The following ST6GALNAC3 variants were observed in gnomAD, a reference collection of about 807,000 sequenced individuals.
ST6GALNAC3 encodes alpha-N-acetylgalactosaminide alpha-2,6-sialyltransferase 3.
In ST6GALNAC3, 25 loss-of-function variants were observed where a neutral mutation model predicts 32.7. That is an observed-to-expected ratio of 0.76 (90% CI 0.56 to 1.07). The LOEUF is 1.07. Among genes scored for constraint, ST6GALNAC3 ranks in the 50% least tolerant of loss-of-function variants. ST6GALNAC3 has a pLI of 0.00. For synonymous variants in ST6GALNAC3, 129 were observed against 133.1 expected, an observed-to-expected ratio of 0.97 and a Z score of 0.21; for missense variants, 355 against 382.4, an observed-to-expected ratio of 0.93 and a Z score of 0.60.
At chr1:76,275,609 A>T (rs1301811212) in intron 1 of ST6GALNAC3, among the ~76,000 whole-genome samples, 2 of 151,784 alleles carry the variant, frequency 1.3e-5, no homozygotes, top group African/African-American at 4.8e-5. Context: ...ACTGGTGGGG[A>T]TGGGGTGTAA....
In ST6GALNAC3 at chr1:76,405,480, A is replaced by G. The variant is rs1173205442; in HGVS notation, c.214-6528A>G. 2.6e-5 allele frequency among the ~76,000 whole-genome samples: 4 copies of G among 152,214 alleles called. No individual in the cohort carries two copies. The South Asian group carries it at 8.3e-4, about 32-fold the overall frequency. On this transcript the variant is annotated intron_variant, in intron 2 of 4. Coordinates refer to ENST00000328299, the MANE Select transcript of ST6GALNAC3 (RefSeq NM_152996.4). Reference sequence around the variant, plus strand: ...CTCAGAAAGGATAGGGCAATTTGTCAGGTTCATACCCAAAGAAGAGAAAGG... The same window carrying G: ...CTCAGAAAGGATAGGGCAATTTGTCGGGTTCATACCCAAAGAAGAGAAAGG...
intron 1 of ST6GALNAC3, among the ~76,000 whole-genome samples, chr1:76,198,561 A>C (rs561559885): frequency 4.3e-4 from 65 of 152,318 alleles, no homozygotes; most frequent in South Asian, 6.2e-4. Flanking sequence ...TTAAGATATA[A>C]TTAGGAGATA....
chr1:76,230,201 A>C (rs967229085), intron 1 of ST6GALNAC3, among the ~76,000 whole-genome samples: 4 of 152,310 alleles, frequency 2.6e-5, no homozygotes, highest in Middle Eastern at 3.4e-3. Flanking sequence ...CTTCTTCCCA[A>C]ACCTTAAGGA....
chr1:76,617,108 G>T (rs1648346020), intron 3 of ST6GALNAC3, among the ~76,000 whole-genome samples: 1 of 152,090 alleles, frequency 6.6e-6, no homozygotes, highest in South Asian at 2.1e-4. Context: ...AAAATTTTCA[G>T]TTGCTTAAAA....
intron 3 of ST6GALNAC3, among the ~76,000 whole-genome samples, chr1:76,541,878 C>G (rs1043802417): frequency 1.3e-4 from 20 of 152,170 alleles, no homozygotes; most frequent in African/African-American, 4.6e-4. Context: ...TGCATTCCCA[C>G]TCAATTACCT....
chr1:76,514,530 A>C (rs11162173), intron 3 of ST6GALNAC3, among the ~76,000 whole-genome samples: 2 of 151,742 alleles, frequency 1.3e-5, no homozygotes, highest in African/African-American at 4.8e-5. Flanking sequence ...TCACTCTCTC[A>C]GGAGTGGACT....
chr1:76,099,708 C>A (rs945090191), intron 1 of ST6GALNAC3, among the ~76,000 whole-genome samples: 4 of 152,110 alleles, frequency 2.6e-5, no homozygotes, highest in African/African-American at 4.8e-5. Context: ...TTTACAGGGG[C>A]ATGTGGGTAT....
intron 1 of ST6GALNAC3, among the ~76,000 whole-genome samples, chr1:76,284,622 G>C (rs1392219013): frequency 8.2e-6 from 1 of 122,478 alleles, no homozygotes; most frequent in Non-Finnish European, 1.8e-5. Context: ...CAAAATGCTT[G>C]AGGATTTTTT....
At chr1:76,619,689 G>T (rs1163021225) in intron 3 of ST6GALNAC3, among the ~76,000 whole-genome samples, 1 of 152,014 alleles carries the variant, frequency 6.6e-6, no homozygotes, top group Non-Finnish European at 1.5e-5. Context: ...AAATAAATTG[G>T]TGCTATTTAT....
chr1:76,409,828 C>A (rs1654094353), intron 2 of ST6GALNAC3, among the ~76,000 whole-genome samples: 1 of 152,068 alleles, frequency 6.6e-6, no homozygotes, highest in African/African-American at 2.4e-5. Context: ...TTTTTTAAAT[C>A]ATTTTGTCCA....
intron 3 of ST6GALNAC3, among the ~76,000 whole-genome samples, chr1:76,539,962 T>C (rs1046743136): frequency 1.3e-5 from 2 of 152,160 alleles, no homozygotes; most frequent in African/African-American, 4.8e-5. Flanking sequence ...TCCTCAAGGA[T>C]CTAGAACCAG....
intron 1 of ST6GALNAC3, among the ~76,000 whole-genome samples, chr1:76,222,928 G>A (rs1655860521): frequency 6.6e-6 from 1 of 152,082 alleles, no homozygotes; most frequent in African/African-American, 2.4e-5. Context: ...GTGGAGAAAA[G>A]GGAACACTTA....
At chr1:76,601,167 C>T (rs1647221633) in intron 3 of ST6GALNAC3, among the ~76,000 whole-genome samples, 1 of 152,044 alleles carries the variant, frequency 6.6e-6, no homozygotes, top group African/African-American at 2.4e-5. Context: ...CACTGCACTC[C>T]AGTCAGGGCT....
At chr1:76,502,153 A>G (rs923687534) in intron 3 of ST6GALNAC3, among the ~76,000 whole-genome samples, 1 of 152,166 alleles carries the variant, frequency 6.6e-6, no homozygotes, top group African/African-American at 2.4e-5. Flanking sequence ...TCACAAGCTC[A>G]CCCTGTTCCA....
chr1:76,112,283 G>A (rs1367849596), intron 1 of ST6GALNAC3, among the ~76,000 whole-genome samples: 8 of 143,224 alleles, frequency 5.6e-5, no homozygotes, highest in Non-Finnish European at 9.2e-5. Context: ...GCGGCTGGCC[G>A]GGCAGAGGGG....
chr1:76,153,688 T>C (rs999163553), intron 1 of ST6GALNAC3, among the ~76,000 whole-genome samples: 3 of 152,216 alleles, frequency 2.0e-5, no homozygotes, highest in Admixed American at 6.5e-5. Context: ...GTTTTAAACA[T>C]ATCTATATTT....
intron 2 of ST6GALNAC3, among the ~76,000 whole-genome samples, chr1:76,410,009 T>C (rs1367924003): frequency 6.6e-6 from 1 of 152,144 alleles, no homozygotes; most frequent in Non-Finnish European, 1.5e-5. Context: ...ATCACTATCC[T>C]CTCTTGCTGG....
At chr1:76,536,490 C>G (rs1379852701) in intron 3 of ST6GALNAC3, among the ~76,000 whole-genome samples, 1 of 151,868 alleles carries the variant, frequency 6.6e-6, no homozygotes, top group Non-Finnish European at 1.5e-5. Context: ...CATGAGAACT[C>G]ACTCAACATC....
intron 1 of ST6GALNAC3, among the ~76,000 whole-genome samples, chr1:76,307,307 G>T (rs974574917): frequency 1.4e-4 from 21 of 152,072 alleles, no homozygotes; most frequent in Non-Finnish European, 2.9e-5. Flanking sequence ...TAAAATGAAT[G>T]AAGGTTTTAT....
Sources: allele counts gnomAD v4.1 joint callset (sites outside exome capture counted in the v4.1 genomes callset), GRCh38; gene constraint gnomAD v4.1.1; transcripts MANE v1.5; gene names NCBI Gene and HGNC (gene_info 2026-07-23, HGNC 2026-07-21).